Variants in TAF1 observed in about 807,000 individuals in gnomAD.
TAF1 encodes transcription initiation factor TFIID subunit 1.
In TAF1, 2 loss-of-function variants were observed where a neutral mutation model predicts 138.5. The ratio of observed to expected loss-of-function variants is 0.01; its 90% CI spans 0.01 to 0.05. TAF1 has a LOEUF of 0.05. TAF1 is among the 10% of genes least tolerant of loss of function. TAF1 has a pLI of 1.00. For missense variants in TAF1, 709 were observed against 1,478.0 expected (o/e 0.48, Z 8.53); for synonymous variants, 437 against 503.2 (o/e 0.87, Z 1.76).
chrX:71,518,609 T>C (rs1303964003), intron 13 of TAF1, among the ~76,000 whole-genome samples: 1 of 111,204 alleles, frequency 9.0e-6, no homozygotes, highest in African/African-American at 3.3e-5. Context: ...TGATTGCAAG[T>C]GTTAATTTCA....
chrX:71,428,955 T>C (rs1246333750), intron 32 of TAF1, among the ~76,000 whole-genome samples: 2 of 111,984 alleles, frequency 1.8e-5, no homozygotes, highest in Non-Finnish European at 3.8e-5. Context: ...TCATCTTTTA[T>C]ATGTTTTCCG....
intron 25 of TAF1, among the ~76,000 whole-genome samples, chrX:71,405,118 A>G (rs772635426): frequency 9.3e-6 from 1 of 107,531 alleles, no homozygotes; most frequent in Non-Finnish European, 1.9e-5. Flanking sequence ...CACCATGCCC[A>G]GCTAAGTTTT....
intron 32 of TAF1, among the ~76,000 whole-genome samples, chrX:71,444,529 C>T (rs778639973): frequency 1.2e-3 from 130 of 110,374 alleles, no homozygotes; most frequent in Non-Finnish European, 1.9e-3. Flanking sequence ...GACCAGCCTA[C>T]GCAATATAGT....
At chrX:71,401,385 A>G (rs754422425) in intron 24 of TAF1, 143 bp from the exon 25 acceptor site, 22 of 670,036 alleles carry the variant, frequency 3.3e-5, no homozygotes, top group Non-Finnish European at 5.0e-5. Flanking sequence ...GGGCTTCACT[A>G]TGTGTGGATT....
chrX:71,374,248 A>G (rs1602448429), intron 3 of TAF1, among the ~76,000 whole-genome samples: 1 of 110,008 alleles, frequency 9.1e-6, no homozygotes, highest in Non-Finnish European at 1.9e-5. Context: ...ACTCCTGGCT[A>G]GTTTTTGTAT....
At chrX:71,377,467 A>T (rs1181315555) in intron 5 of TAF1, 136 bp from the exon 6 acceptor site, 11 of 855,625 alleles carry the variant, frequency 1.3e-5, no homozygotes, top group African/African-American at 1.2e-4. Context: ...CTTAGACGTT[A>T]CAAGTCTGAA....
chrX:71,428,007 C>T (rs2036681377), intron 32 of TAF1, among the ~76,000 whole-genome samples: 1 of 94,803 alleles, frequency 1.1e-5, no homozygotes, highest in Admixed American at 1.3e-4. Flanking sequence ...ATTAGATTAG[C>T]TCAATTTTTT....
chrX:71,407,527 AT>A (rs754701424), intron 26 of TAF1, 46 bp from the exon 27 acceptor site: 35 of 1,130,180 alleles, frequency 3.1e-5, no homozygotes, highest in Middle Eastern at 2.4e-4. Context: ...CAGAATGTGG[AT>A]TTTTTTTGGT....
intron 13 of TAF1, among the ~76,000 whole-genome samples, chrX:71,477,968 T>G (rs1444957694): frequency 9.0e-6 from 1 of 111,394 alleles, no homozygotes; most frequent in Non-Finnish European, 1.9e-5. Flanking sequence ...CCCTCCAGCC[T>G]GGGTGATAGA....
intron 18 of TAF1, among the ~76,000 whole-genome samples, chrX:71,391,073 C>T (rs11798529): frequency 0.082 from 9,036 of 110,362 alleles, 368 homozygotes; most frequent in East Asian, 0.32. Flanking sequence ...CTCAAACGAT[C>T]GTCCTGCCTT....
downstream of TAF1, chrX:71,530,439 CAA>C (rs1311198001): frequency 9.5e-6 from 1 of 105,527 alleles, no homozygotes; most frequent in African/African-American, 3.5e-5. Flanking sequence ...GGCACGGACT[CAA>C]AGAGTGAGCA....
chrX:71,459,317 C>T, intron 35 of TAF1: 1 of 1,058,093 alleles, frequency 9.5e-7, no homozygotes, highest in Non-Finnish European at 1.3e-6. Context: ...CCCATCAGTA[C>T]AGGCCAGGCC....
chrX:71,379,141 G>GT (rs2033693457), intron 8 of TAF1, 110 bp downstream of exon 8: 1 of 784,501 alleles, frequency 1.3e-6, no homozygotes, highest in Non-Finnish European at 1.8e-6. Context: ...GTGAGACAGA[G>GT]TTTCGCTCTT....
At chrX:71,397,788 C>G (rs968954462) in intron 23 of TAF1, among the ~76,000 whole-genome samples, 2 of 111,034 alleles carry the variant, frequency 1.8e-5, no homozygotes, top group African/African-American at 6.6e-5. Context: ...TGGCCTGATT[C>G]ACCACTTTCG....
In TAF1 at chrX:71,445,955, G is replaced by A. The variant is rs774290789; in HGVS notation, c.4754-8215G>A. The stretch of plus-strand genomic sequence containing the variant: ...TTGGAGACCAAGTCTGTGTCACCCA[G>A]GTTGGAGTGTAGTGGCATGATCTCG... On this transcript the variant is annotated intron_variant, in intron 32 of 37. Transcript: ENST00000423759. Among the ~76,000 whole-genome samples, 3 of 106,054 alleles carry A rather than the reference G, an allele frequency of 2.8e-5. No homozygotes were observed. In the East Asian group the frequency reaches 8.8e-4, roughly 31 times the overall value. The allele number at this position is 106,054 out of a possible 115,157, so 92.1% of individuals were successfully genotyped here. A position where few individuals can be genotyped will look rare whatever the true frequency, so the allele number is the denominator to read the frequency against.
intron 13 of TAF1, among the ~76,000 whole-genome samples, chrX:71,498,537 T>C (rs932498052): frequency 9.0e-6 from 1 of 111,625 alleles, no homozygotes; most frequent in East Asian, 2.8e-4. Flanking sequence ...TAATCCTTTA[T>C]GAGATACAGG....
intron 13 of TAF1, among the ~76,000 whole-genome samples, chrX:71,494,738 G>A (rs1299130960): frequency 8.9e-6 from 1 of 112,375 alleles, no homozygotes; most frequent in Admixed American, 9.4e-5. Flanking sequence ...CACGGTGAGT[G>A]TTACAGCTCT....
intron 37 of TAF1, among the ~76,000 whole-genome samples, chrX:71,462,889 T>A (rs1026114074): frequency 8.9e-6 from 1 of 111,975 alleles, no homozygotes; most frequent in Non-Finnish European, 1.9e-5. Context: ...ACCATCAAGA[T>A]GTTTGTGTAA....
intron 3 of TAF1, chrX:71,368,866 C>T (rs1280516786): frequency 2.2e-5 from 2 of 90,560 alleles, no homozygotes; most frequent in African/African-American, 4.0e-5. Context: ...TTTTTTTTTC[C>T]GAGACGGAGT....
Sources: gnomAD v4.1 joint callset for allele counts (sites outside exome capture counted in the v4.1 genomes callset) on GRCh38, gnomAD v4.1.1 for gene constraint, MANE v1.5 for transcripts, NCBI Gene and HGNC (gene_info 2026-07-23, HGNC 2026-07-21) for gene names.